TMEM200A: variants seen among roughly 807,000 people sequenced by gnomAD.
TMEM200A encodes the protein two transmembrane C.
In TMEM200A, 12 loss-of-function variants were observed where a neutral mutation model predicts 24.3. The observed-to-expected ratio is 0.49, with a 90% CI of 0.32 to 0.80. The LOEUF (loss-of-function observed/expected upper bound fraction) is 0.80, where lower values mean the gene tolerates loss of function less well. TMEM200A is among the 30% of genes least tolerant of loss of function. The pLI is 0.04. For missense variants in TMEM200A, 545 were observed against 614.4 expected, an observed-to-expected ratio of 0.89 and a Z score of 1.19; for synonymous variants, 224 against 224.4, an observed-to-expected ratio of 1.00 and a Z score of 0.02.
chr6:130,426,816 G>C (rs780543604), intron 2 of TMEM200A, among the ~76,000 whole-genome samples: 6 of 152,196 alleles, frequency 3.9e-5, no homozygotes, highest in Non-Finnish European at 8.8e-5. Context: ...ACAATGCACA[G>C]CATTAGGCTT....
Position 130,441,956 on chromosome 6 carries a change from G to A in TMEM200A, c.*58G>A. The A allele has an allele frequency of 2.7e-6, 4 of 1,464,468 alleles. No homozygotes were observed. Among genetic ancestry groups the A allele is most frequent in the Admixed American group, 2.2e-5 (1 of 44,720 alleles). The allele number at this position is 1,464,468 out of a possible 1,614,324, so 90.7% of individuals were successfully genotyped here. ...ATATTTTAAAACGATTTTCACTGGTGTTTCCTTCTTAAAGTATTGGCTGTA... is the reference window on the plus strand; with the variant it reads ...ATATTTTAAAACGATTTTCACTGGTATTTCCTTCTTAAAGTATTGGCTGTA... On this transcript the variant is annotated 3_prime_UTR_variant, in exon 3 of 3. Transcript: ENST00000296978.
Position 130,401,010 on chromosome 6 carries a change from T to G in TMEM200A, c.-17+15774T>G, listed in dbSNP as rs147228589. ...GAGATGCCTTGACATCAGCTGAAAT[T>G]TTTCATTCTGACTTTGGGTACCTCT... On this transcript the variant is annotated intron_variant, in intron 2 of 2. Transcript: ENST00000296978. Among the ~76,000 whole-genome samples the G allele has an allele frequency of 2.8e-3, 433 of 152,158 alleles. 4 individuals are homozygous for G. The highest frequency in any genetic ancestry group is 9.9e-3 in the African/African-American group (411 of 41,538).
intron 1 of TMEM200A, among the ~76,000 whole-genome samples, chr6:130,380,537 T>A (rs1017245565): frequency 6.6e-6 from 1 of 152,204 alleles, no homozygotes; most frequent in African/African-American, 2.4e-5. Flanking sequence ...CTCATTAAAG[T>A]TGACGAGAAA....
chr6:130,426,912 G>GGTGTT (rs1779757723), intron 2 of TMEM200A, among the ~76,000 whole-genome samples: 1 of 152,170 alleles, frequency 6.6e-6, no homozygotes, highest in African/African-American at 2.4e-5. Context: ...AGTAGATTCA[G>GGTGTT]GTGTTGTCCA....
intron 2 of TMEM200A, among the ~76,000 whole-genome samples, chr6:130,401,716 C>T (rs1182563806): frequency 6.6e-6 from 1 of 151,968 alleles, no homozygotes; most frequent in African/African-American, 2.4e-5. Context: ...TGTACTTCCA[C>T]TTCACACTTT....
At chr6:130,365,662 G>T, upstream of TMEM200A, 1 of 985,458 alleles carries the variant, frequency 1.0e-6, no homozygotes, top group Non-Finnish European at 1.2e-6. Context: ...CGGGCCCCAC[G>T]GGTGGGTGTG....
At chr6:130,429,108 T>C (rs1455541375) in intron 2 of TMEM200A, among the ~76,000 whole-genome samples, 1 of 152,220 alleles carries the variant, frequency 6.6e-6, no homozygotes, top group Non-Finnish European at 1.5e-5. Context: ...ATTTTCCATA[T>C]ATTTATGTAT....
chr6:130,381,761 G>T, intron 1 of TMEM200A: 1 of 214,340 alleles, frequency 4.7e-6, no homozygotes, highest in Non-Finnish European at 8.0e-6. Flanking sequence ...TTTATGGAAA[G>T]ACCATGTCAT....
chr6:130,391,881 A>T (rs11753754), intron 2 of TMEM200A, among the ~76,000 whole-genome samples: 51,376 of 151,452 alleles, frequency 0.34, 12,381 homozygotes, highest in African/African-American at 0.69. Flanking sequence ...TAGCTGGGAT[A>T]ACGGGTGCCC....
Position 130,441,824 on chromosome 6 carries a change from A to G in TMEM200A, c.1402A>G (p.Asn468Asp), listed in dbSNP as rs766815004. ...GCTTCTTATGATTTCAAGATCTCACAATAATTTGAGTTTTGAACATGATGA... is the reference window on the plus strand; with the variant it reads ...GCTTCTTATGATTTCAAGATCTCACGATAATTTGAGTTTTGAACATGATGA... ...EKLLMISRSH[N>D]NLSFEHDEFL... Residue 468 changes from asparagine to aspartate, a missense_variant, in exon 3 of 3, where the codon AAT (asparagine) becomes GAT (aspartate). By Grantham distance (23) the Asn-to-Asp change is conservative. Coordinates refer to ENST00000296978, the MANE Select transcript of TMEM200A (RefSeq NM_001258277.2). 2.5e-6 allele frequency: 4 copies of G among 1,613,874 alleles called. No homozygotes were observed. In the South Asian group the frequency reaches 4.4e-5, roughly 18 times the overall value.
At chr6:130,382,876 G>A (rs1279693437) in intron 1 of TMEM200A, 8 of 217,790 alleles carry the variant, frequency 3.7e-5, no homozygotes, top group Admixed American at 6.5e-5. Context: ...GGGAAGGGGC[G>A]AGCTAGTGGC....
chr6:130,396,236 A>G (rs1778949546), intron 2 of TMEM200A, among the ~76,000 whole-genome samples: 1 of 152,058 alleles, frequency 6.6e-6, no homozygotes. Flanking sequence ...GCTAGTGATG[A>G]TAGAGGTTTA....
chr6:130,410,967 G>A (rs557989594), intron 2 of TMEM200A, among the ~76,000 whole-genome samples: 44 of 152,282 alleles, frequency 2.9e-4, no homozygotes, highest in African/African-American at 9.6e-4. Flanking sequence ...TCAGGAGTTT[G>A]AGACCAGCCA....
Position 130,441,419 on chromosome 6 carries a change from A to T in TMEM200A, c.997A>T (p.Asn333Tyr), listed in dbSNP as rs755901299. Reference protein sequence around the residue: ...SMDSLVVPLPNTSESFQPVST... With the variant: ...SMDSLVVPLPYTSESFQPVST... ...GGATTCCCTTGTGGTTCCTTTGCCC[A>T]ACACCAGTGAATCCTTCCAGCCCGT... Residue 333 changes from asparagine to tyrosine, a missense_variant, in exon 3 of 3, where the codon AAC becomes TAC. Transcript: ENST00000296978. The T allele has an allele frequency of 6.2e-7, 1 of 1,614,118 alleles. No homozygotes were observed. The highest frequency in any genetic ancestry group is 8.5e-7 in the Non-Finnish European group (1 of 1,180,008).
intron 1 of TMEM200A, among the ~76,000 whole-genome samples, chr6:130,368,855 G>A (rs1778244565): frequency 6.6e-6 from 1 of 152,168 alleles, no homozygotes; most frequent in East Asian, 1.9e-4. Flanking sequence ...GGTGGCTGTG[G>A]GTAAGTGGCT....
Position 130,369,001 on chromosome 6 carries a change from G to A in TMEM200A, c.-81+2477G>A, listed in dbSNP as rs539458289. ...ATTAAAGAGAGACAGAAGTCAGTGT[G>A]TGTGTGTAGGAGGGTGGTTTGTAGG... On this transcript the variant is annotated intron_variant, in intron 1 of 2. Coordinates refer to ENST00000296978, the MANE Select transcript of TMEM200A (RefSeq NM_001258277.2). Among the ~76,000 whole-genome samples, 4 of 152,344 alleles carry A rather than the reference G, an allele frequency of 2.6e-5. No homozygotes were observed. The South Asian group carries it at 8.3e-4, about 32-fold the overall frequency.
chr6:130,432,060 T>C (rs1779889185), intron 2 of TMEM200A, among the ~76,000 whole-genome samples: 1 of 152,198 alleles, frequency 6.6e-6, no homozygotes, highest in African/African-American at 2.4e-5. Flanking sequence ...AATGTGTCCA[T>C]AAAATCATAG....
At chr6:130,377,842 GAAGA>G (rs1319927820) in intron 1 of TMEM200A, among the ~76,000 whole-genome samples, 1 of 152,180 alleles carries the variant, frequency 6.6e-6, no homozygotes, top group Non-Finnish European at 1.5e-5. Flanking sequence ...CAAATAAGAA[GAAGA>G]AAAATAAAGC....
At chr6:130,431,476 G>A (rs1779872807) in intron 2 of TMEM200A, among the ~76,000 whole-genome samples, 1 of 152,178 alleles carries the variant, frequency 6.6e-6, no homozygotes, top group African/African-American at 2.4e-5. Context: ...TTCCTGTCAG[G>A]AAATGCAGAG....
Sources: gnomAD v4.1 joint callset for allele counts (sites outside exome capture counted in the v4.1 genomes callset) on GRCh38, gnomAD v4.1.1 for gene constraint, MANE v1.5 for transcripts, NCBI Gene and HGNC (gene_info 2026-07-23, HGNC 2026-07-21) for gene names.